The following TENM3 variants were observed in gnomAD, a reference collection of about 807,000 sequenced individuals.
The protein encoded by TENM3 is teneurin transmembrane protein 3.
In TENM3, 63 loss-of-function variants were observed where a neutral mutation model predicts 255.1. That is an observed-to-expected ratio of 0.25 (90% CI 0.20 to 0.30). The LOEUF is 0.30. Among genes scored for constraint, TENM3 ranks in the 10% least tolerant of loss-of-function variants. The probability of loss-of-function intolerance (pLI) is 1.00; values close to 1 mark genes in which losing one functional copy is unlikely to be tolerated. For missense variants in TENM3, 2,929 were observed against 3,461.1 expected (o/e 0.85, Z 3.86); for synonymous variants, 1,306 against 1,322.3 (o/e 0.99, Z 0.27).
chr4:182,050,259 T>C, the TENM3 span, among the ~76,000 whole-genome samples: 1 of 151,956 alleles, frequency 6.6e-6, no homozygotes, highest in African/African-American at 2.4e-5. Flanking sequence ...TCCCAAAGTA[T>C]TGGGATTACA....
the TENM3 span, among the ~76,000 whole-genome samples, chr4:181,827,956 T>A: frequency 6.6e-6 from 1 of 152,186 alleles, no homozygotes; most frequent in African/African-American, 2.4e-5. Context: ...GATCTCTTCC[T>A]CTTCCTTCTC....
intron 25 of TENM3, among the ~76,000 whole-genome samples, chr4:182,790,925 CAGG>C (rs1283214599): frequency 5.9e-5 from 9 of 152,108 alleles, no homozygotes; most frequent in Non-Finnish European, 1.0e-4. Flanking sequence ...TGCATGCATC[CAGG>C]AGGATCAGAA....
At chr4:182,438,408 A>C (rs1422174637) in intron 3 of TENM3, among the ~76,000 whole-genome samples, 2 of 152,170 alleles carry the variant, frequency 1.3e-5, no homozygotes, top group Admixed American at 1.3e-4. Flanking sequence ...ACATGTTTTT[A>C]TTAAAGTTGG....
At chr4:181,454,306 T>C in the TENM3 span, among the ~76,000 whole-genome samples, 2 of 152,192 alleles carry the variant, frequency 1.3e-5, no homozygotes, top group Non-Finnish European at 2.9e-5. Context: ...TATACAGTCA[T>C]GTACCGCATA....
At chr4:182,667,336 G>A (rs1383522103) in intron 6 of TENM3, among the ~76,000 whole-genome samples, 5 of 151,918 alleles carry the variant, frequency 3.3e-5, no homozygotes, top group East Asian at 1.9e-4. Flanking sequence ...GATTACAGGC[G>A]CCCGCCACCA....
At chr4:182,209,737 A>G (rs1754860165) in intron 1 of TENM3, among the ~76,000 whole-genome samples, 2 of 152,046 alleles carry the variant, frequency 1.3e-5, no homozygotes, top group African/African-American at 4.8e-5. Flanking sequence ...TGCCTGGGGT[A>G]GGAGTCTGGG....
the TENM3 span, among the ~76,000 whole-genome samples, chr4:181,833,305 A>G: frequency 1.3e-5 from 2 of 151,912 alleles, no homozygotes; most frequent in Non-Finnish European, 2.9e-5. Context: ...TACCCTCCTC[A>G]TCCTCTCATC....
the TENM3 span, among the ~76,000 whole-genome samples, chr4:181,596,724 A>G: frequency 6.6e-6 from 1 of 152,222 alleles, no homozygotes; most frequent in African/African-American, 2.4e-5. Flanking sequence ...AATGTGGTAC[A>G]TAAACACCAT....
At chr4:182,037,150 A>ATTTTTTTTTTTTTTTTTTTTTTT in the TENM3 span, among the ~76,000 whole-genome samples, 1 of 144,682 alleles carries the variant, frequency 6.9e-6, no homozygotes, top group African/African-American at 2.6e-5. Flanking sequence ...AACTCCTTTT[A>ATTTTTTTTTTTTTTTTTTTTTTT]TTTTTTTTTT....
At chr4:182,406,209 G>A (rs1769562147) in intron 3 of TENM3, among the ~76,000 whole-genome samples, 4 of 152,112 alleles carry the variant, frequency 2.6e-5, no homozygotes, top group Admixed American at 2.6e-4. Flanking sequence ...GGAGGCCGAG[G>A]CAGGAGAATT....
chr4:181,635,439 A>G, the TENM3 span, among the ~76,000 whole-genome samples: 6 of 152,220 alleles, frequency 3.9e-5, no homozygotes, highest in Non-Finnish European at 7.3e-5. Flanking sequence ...ATCCCAATAC[A>G]TGCTAATTTG....
chr4:182,195,092 A>G (rs1330731999), intron 1 of TENM3, among the ~76,000 whole-genome samples: 2 of 151,498 alleles, frequency 1.3e-5, no homozygotes, highest in Non-Finnish European at 2.9e-5. Context: ...GGACTTCTTT[A>G]TAATAGTTCT....
At chr4:182,195,263 A>G (rs1381665093) in intron 1 of TENM3, among the ~76,000 whole-genome samples, 1 of 152,146 alleles carries the variant, frequency 6.6e-6, no homozygotes, top group Non-Finnish European at 1.5e-5. Context: ...ACGACCCTGT[A>G]TGTCTAGGGC....
At chr4:182,229,124 C>T (rs761616415) in intron 1 of TENM3, among the ~76,000 whole-genome samples, 2 of 152,146 alleles carry the variant, frequency 1.3e-5, no homozygotes, top group Non-Finnish European at 2.9e-5. Context: ...GAGAACAGCT[C>T]GATGGAATTT....
chr4:182,224,120 G>A (rs780039581), intron 1 of TENM3, among the ~76,000 whole-genome samples: 7 of 151,986 alleles, frequency 4.6e-5, no homozygotes, highest in East Asian at 3.9e-4. Context: ...AAGTATCTTC[G>A]GATAAATTTC....
At chr4:182,311,692 A>G (rs550999016) in intron 1 of TENM3, among the ~76,000 whole-genome samples, 93 of 152,340 alleles carry the variant, frequency 6.1e-4, no homozygotes, top group Non-Finnish European at 1.1e-3. Context: ...GCATATTTTA[A>G]GCACTCAATA....
At chr4:181,986,995 T>C in the TENM3 span, among the ~76,000 whole-genome samples, 1 of 152,112 alleles carries the variant, frequency 6.6e-6, no homozygotes, top group Non-Finnish European at 1.5e-5. Context: ...TGCCCATGAC[T>C]CCTGAATCAG....
At chr4:181,518,715 C>G in the TENM3 span, among the ~76,000 whole-genome samples, 2 of 152,176 alleles carry the variant, frequency 1.3e-5, no homozygotes, top group African/African-American at 4.8e-5. Flanking sequence ...GCGTGAGCCA[C>G]CTTGTCTGGC....
chr4:182,738,310 A>G, intron 17 of TENM3, 91 bp from the exon 18 acceptor site: 3 of 1,153,776 alleles, frequency 2.6e-6, no homozygotes, highest in Non-Finnish European at 2.4e-6. Flanking sequence ...CAGAACACAG[A>G]TGTGAAAAAG....
Sources: allele counts gnomAD v4.1 joint callset (sites outside exome capture counted in the v4.1 genomes callset), GRCh38; gene constraint gnomAD v4.1.1; transcripts MANE v1.5; gene names NCBI Gene and HGNC (gene_info 2026-07-23, HGNC 2026-07-21).